Variants in SCN2A observed in about 807,000 individuals in gnomAD.
SCN2A encodes sodium channel protein type 2 subunit alpha.
SCN2A carries 20 observed loss-of-function variants against 188.7 expected under a neutral mutation model. The ratio of observed to expected loss-of-function variants is 0.11; its 90% CI spans 0.07 to 0.15. The LOEUF is 0.15. Ranked by LOEUF, SCN2A falls within the 10% of genes least tolerant of loss-of-function variation. The pLI, the probability that SCN2A is intolerant of heterozygous loss-of-function variation, is 1.00. For synonymous variants in SCN2A, 804 were observed against 833.1 expected (o/e 0.97, Z 0.60); for missense variants, 1,278 against 2,445.0 (o/e 0.52, Z 10.07).
chr2:165,275,424 T>G (rs1364839354), intron 1 of SCN2A, among the ~76,000 whole-genome samples: 3 of 152,194 alleles, frequency 2.0e-5, no homozygotes, highest in African/African-American at 7.2e-5. Context: ...AGAATCTATA[T>G]TTGCCTTACT....
At chr2:165,262,731 C>T (rs887718131) in intron 1 of SCN2A, among the ~76,000 whole-genome samples, 6 of 151,984 alleles carry the variant, frequency 3.9e-5, no homozygotes, top group Non-Finnish European at 7.4e-5. Context: ...TTATCTTTTT[C>T]GTATAATGAC....
At chr2:165,314,305 C>A (rs1424549265) in intron 10 of SCN2A, among the ~76,000 whole-genome samples, 197 bp downstream of exon 10, 1 of 152,002 alleles carries the variant, frequency 6.6e-6, no homozygotes, top group Non-Finnish European at 1.5e-5. Flanking sequence ...GTAATGGCAT[C>A]AAAAAATGGA....
chr2:165,348,111 C>T (rs1290469014), intron 16 of SCN2A, among the ~76,000 whole-genome samples: 1 of 152,138 alleles, frequency 6.6e-6, no homozygotes, highest in Admixed American at 6.5e-5. Flanking sequence ...GTAATCGCAG[C>T]ATTTTGGGAG....
chr2:165,248,601 TATC>T (rs1693956513), intron 1 of SCN2A, among the ~76,000 whole-genome samples: 1 of 152,180 alleles, frequency 6.6e-6, no homozygotes, highest in Non-Finnish European at 1.5e-5. Flanking sequence ...TTTTCTTTGT[TATC>T]ATTTGCTTTG....
intron 1 of SCN2A, among the ~76,000 whole-genome samples, chr2:165,265,511 ATATATT>A (rs1694815884): frequency 8.0e-6 from 1 of 124,552 alleles, no homozygotes; most frequent in South Asian, 2.5e-4. Context: ...ATATATATAT[ATATATT>A]GCTGTGCAGA....
chr2:165,342,267 T>C, intron 14 of SCN2A, 29 bp from the exon 15 acceptor site: 1 of 1,587,622 alleles, frequency 6.3e-7, no homozygotes, highest in Non-Finnish European at 8.6e-7. Flanking sequence ...GAGTATTTGC[T>C]CATATAATGA....
chr2:165,299,437 G>C (rs933303238), intron 3 of SCN2A, among the ~76,000 whole-genome samples: 22 of 152,156 alleles, frequency 1.4e-4, no homozygotes, highest in Non-Finnish European at 4.4e-5. Flanking sequence ...TTTACAGATG[G>C]CTTAGAGTCA....
rs2105293488 is a variant in SCN2A at position 165,331,480 on chromosome 2, T to C, written c.2300T>C (p.Ile767Thr). Reference protein sequence around the residue: ...MDPFVDLAITICIVLNTLFMA... With the variant: ...MDPFVDLAITTCIVLNTLFMA... ...CCATTTGTTGACCTGGCCATCACCA[T>C]CTGCATTGTCTTAAATACACTCTTC... The change falls in exon 14 of 27, where the codon ATC becomes ACC. Residue 767 changes from isoleucine (I) to threonine (T), a missense_variant. Coordinates refer to ENST00000375437, the MANE Select transcript of SCN2A (RefSeq NM_001040142.2). The C allele has an allele frequency of 1.2e-6, 2 of 1,613,818 alleles. No homozygotes were observed. The highest frequency in any genetic ancestry group is 1.7e-6 in the Non-Finnish European group (2 of 1,179,760).
intron 5 of SCN2A, 67 bp from the exon 6 acceptor site, chr2:165,309,285 G>A (rs763159391): frequency 8.7e-6 from 14 of 1,611,590 alleles, no homozygotes; most frequent in Middle Eastern, 1.6e-4. Flanking sequence ...AAGGTGGTAG[G>A]CCCCTTATAT....
At chr2:165,243,423 T>C (rs1172268808) in intron 1 of SCN2A, among the ~76,000 whole-genome samples, 2 of 151,996 alleles carry the variant, frequency 1.3e-5, no homozygotes, top group East Asian at 1.9e-4. Flanking sequence ...GACAACATGC[T>C]GAAACCCTGT....
At chr2:165,342,932 A>T (rs1030300560) in intron 15 of SCN2A, among the ~76,000 whole-genome samples, 5 of 152,332 alleles carry the variant, frequency 3.3e-5, no homozygotes, top group Middle Eastern at 3.4e-3. Flanking sequence ...GGAGAAGGAT[A>T]AGCAAACAGA....
chr2:165,315,453 T>A lies in SCN2A; in HGVS notation c.1384-18T>A, dbSNP rs1445548725. 8 of 1,613,638 alleles carry A rather than the reference T, an allele frequency of 5.0e-6. No individual in the cohort carries two copies. Among genetic ancestry groups the A allele is most frequent in the Non-Finnish European group, 6.8e-6 (8 of 1,179,686 alleles). On this transcript the variant is annotated intron_variant, in intron 10 of 26. Transcript: ENST00000375437. ...TTTAAGTTTATATGCAACTTCCACA[T>A]ACTTTGCGCCCTTCTAGGCGGCAGC...
chr2:165,307,977 T>C, intron 4 of SCN2A, 40 bp downstream of exon 4: 1 of 1,352,692 alleles, frequency 7.4e-7, no homozygotes, highest in Non-Finnish European at 1.1e-6. Flanking sequence ...TCCCTTTATG[T>C]TTCATATTGT....
At chr2:165,327,330 CT>C in intron 13 of SCN2A, 2 of 254,722 alleles carry the variant, frequency 7.9e-6, no homozygotes, top group Non-Finnish European at 1.5e-5. Context: ...ATTATATTAA[CT>C]GCTTGAGACA....
intron 1 of SCN2A, among the ~76,000 whole-genome samples, chr2:165,288,193 T>C (rs1695934818): frequency 6.6e-6 from 1 of 152,192 alleles, no homozygotes; most frequent in African/African-American, 2.4e-5. Flanking sequence ...AAACATTTTA[T>C]AACAAAATTG....
chr2:165,353,268 A>G (rs1173392263), intron 16 of SCN2A, among the ~76,000 whole-genome samples: 2 of 152,184 alleles, frequency 1.3e-5, no homozygotes, highest in Non-Finnish European at 2.9e-5. Context: ...TAATTATAGT[A>G]GCCATAATTG....
At position 165,388,584 on chromosome 2, in the gene SCN2A, C is replaced by T. The variant is rs766001876; in HGVS notation, c.4823-45C>T. 2.5e-6 allele frequency: 4 copies of T among 1,612,220 alleles called. No individual in the cohort carries two copies. The South Asian group carries it at 4.4e-5, about 18-fold the overall frequency. ...TACTTATGTAAACTTTCATTTGCTA[C>T]TATTAAGTATAACAATATTTTTGTT... On this transcript the variant is annotated intron_variant, in intron 26 of 26. Transcript: ENST00000375437.
chr2:165,312,850 T>C lies in SCN2A; in HGVS notation c.1034+762T>C, dbSNP rs550031354. On this transcript the variant is annotated intron_variant, in intron 8 of 26. Coordinates refer to ENST00000375437, the MANE Select transcript of SCN2A (RefSeq NM_001040142.2). ...TGGACGATGATACTGTGGACATTAG[T>C]AGCTAATACCTGTAGCAAAATTCCC... Among the ~76,000 whole-genome samples, 3 of 152,270 alleles carry C rather than the reference T, an allele frequency of 2.0e-5. No individual in the cohort carries two copies. In the East Asian group the frequency reaches 5.8e-4, roughly 29 times the overall value.
At chr2:165,345,258 T>G (rs907277261) in intron 16 of SCN2A, among the ~76,000 whole-genome samples, 1 of 152,316 alleles carries the variant, frequency 6.6e-6, no homozygotes. Context: ...CGTTTCAGAT[T>G]TGGTTTTCTA....
Sources: gnomAD v4.1 joint callset for allele counts (sites outside exome capture counted in the v4.1 genomes callset) on GRCh38, gnomAD v4.1.1 for gene constraint, MANE v1.5 for transcripts, NCBI Gene and HGNC (gene_info 2026-07-23, HGNC 2026-07-21) for gene names.